NRXN1: variants seen among roughly 807,000 people sequenced by gnomAD.
The protein encoded by NRXN1 is neurexin-1.
Under a neutral mutation model 150.9 loss-of-function variants are expected in NRXN1, and 39 were observed. That is an observed-to-expected ratio of 0.26 (90% CI 0.20 to 0.34). The LOEUF is 0.34. Among genes scored for constraint, NRXN1 ranks in the 10% least tolerant of loss-of-function variants. The pLI is 1.00. For missense variants in NRXN1, 1,815 were observed against 1,949.9 expected (o/e 0.93, Z 1.30); for synonymous variants, 924 against 757.0 (o/e 1.22, Z -3.62).
chr2:50,343,462 T>TAA (rs1439195240), intron 17 of NRXN1, among the ~76,000 whole-genome samples: 7 of 147,932 alleles, frequency 4.7e-5, no homozygotes, highest in African/African-American at 1.6e-4. Flanking sequence ...TCTATTTAAC[T>TAA]AGAAAAAAAA....
intron 21 of NRXN1, among the ~76,000 whole-genome samples, chr2:50,042,841 G>C (rs543349801): frequency 6.6e-6 from 1 of 152,094 alleles, no homozygotes; most frequent in Admixed American, 6.6e-5. Flanking sequence ...ACAGGAAACA[G>C]GTTCTGCTTG....
At chr2:50,704,077 G>A (rs1694115286) in intron 5 of NRXN1, among the ~76,000 whole-genome samples, 1 of 152,016 alleles carries the variant, frequency 6.6e-6, no homozygotes, top group Non-Finnish European at 1.5e-5. Flanking sequence ...TTATATATAA[G>A]TAGGAAATTT....
chr2:50,782,456 G>A (rs1273337201), intron 5 of NRXN1, among the ~76,000 whole-genome samples: 2 of 151,310 alleles, frequency 1.3e-5, no homozygotes, highest in Non-Finnish European at 3.0e-5. Flanking sequence ...GTGACACAAC[G>A]AGACTCTGTC....
chr2:50,686,933 C>T (rs1220048550), intron 5 of NRXN1, among the ~76,000 whole-genome samples: 2 of 152,158 alleles, frequency 1.3e-5, no homozygotes, highest in African/African-American at 4.8e-5. Context: ...CTTCAATTCT[C>T]TAAAGTTTAT....
chr2:50,959,587 T>C (rs999356599), intron 2 of NRXN1, among the ~76,000 whole-genome samples: 8 of 152,018 alleles, frequency 5.3e-5, no homozygotes, highest in Admixed American at 3.3e-4. Flanking sequence ...TGCCAGGAAC[T>C]GGGGACAGTG....
intron 18 of NRXN1, among the ~76,000 whole-genome samples, chr2:50,098,896 T>C (rs1700644540): frequency 8.5e-6 from 1 of 117,402 alleles, no homozygotes; most frequent in South Asian, 2.9e-4. Flanking sequence ...TAGTTACATT[T>C]TGTAGCACTA....
In NRXN1 at chr2:50,487,022, C is replaced by T. The variant is rs762536624; in HGVS notation, c.3070+8883G>A. On this transcript the variant is annotated intron_variant, in intron 15 of 22. Coordinates refer to ENST00000401669, the MANE Select transcript of NRXN1 (RefSeq NM_001330078.2). ...TTACAATAATTTCTATTTAGTATTA[C>T]TATCATTATTGTTCTGGTGAGATGC... Among the ~76,000 whole-genome samples, 19 of 152,266 alleles carry T rather than the reference C, an allele frequency of 1.2e-4. No individual in the cohort carries two copies. The South Asian group carries it at 1.5e-3, about 12-fold the overall frequency.
intron 5 of NRXN1, among the ~76,000 whole-genome samples, chr2:50,705,188 T>G (rs1363062231): frequency 6.6e-6 from 1 of 151,978 alleles, no homozygotes; most frequent in Non-Finnish European, 1.5e-5. Context: ...TGTCTCAGTA[T>G]AAGAGGAAAC....
intron 17 of NRXN1, among the ~76,000 whole-genome samples, chr2:50,320,282 T>TCTTATATATATACA (rs200051532): frequency 2.2e-3 from 105 of 47,524 alleles, no homozygotes; most frequent in African/African-American, 8.0e-3. Flanking sequence ...TATACCTCAA[T>TCTTATATATATACA]CATATATATA....
intron 17 of NRXN1, among the ~76,000 whole-genome samples, chr2:50,382,089 G>A (rs188003042): frequency 3.3e-5 from 5 of 151,164 alleles, no homozygotes; most frequent in Non-Finnish European, 5.9e-5. Flanking sequence ...AGAACTAGGA[G>A]AACTAGTTTA....
Position 50,785,243 on chromosome 2 carries a change from C to CTTT in NRXN1, c.832+136623_832+136625dup, listed in dbSNP as rs35158893. Among the ~76,000 whole-genome samples, 552 of 106,092 alleles carry CTTT rather than the reference C, an allele frequency of 5.2e-3. 5 individuals carry two copies. The highest frequency in any genetic ancestry group is 8.2e-3 in the Non-Finnish European group (426 of 52,048). The allele number at this position is 106,092 out of a possible 152,430, so 69.6% of individuals were successfully genotyped here. A position where few individuals can be genotyped will look rare whatever the true frequency, so the allele number is the denominator to read the frequency against. On this transcript the variant is annotated intron_variant, in intron 5 of 22. Coordinates refer to ENST00000401669, the MANE Select transcript of NRXN1 (RefSeq NM_001330078.2). Reference sequence around the variant, plus strand: ...CCCTCTAGAACTCTGAGAAAATACACTTTTTTTTTTTTTTTTTTTTTTTGA... The same window carrying CTTT: ...CCCTCTAGAACTCTGAGAAAATACACTTTTTTTTTTTTTTTTTTTTTTTTTTGA...
intron 17 of NRXN1, among the ~76,000 whole-genome samples, chr2:50,330,576 C>G (rs1241083657): frequency 6.6e-6 from 1 of 152,074 alleles, no homozygotes; most frequent in East Asian, 1.9e-4. Flanking sequence ...AAAAAAATCC[C>G]CACAGTAGTA....
intron 8 of NRXN1, among the ~76,000 whole-genome samples, chr2:50,590,000 A>AT (rs1361109582): frequency 6.6e-6 from 1 of 152,244 alleles, no homozygotes; most frequent in Non-Finnish European, 1.5e-5. Flanking sequence ...GAATGAATGT[A>AT]TACACAAATG....
intron 21 of NRXN1, among the ~76,000 whole-genome samples, chr2:49,957,018 T>C (rs1014862492): frequency 6.6e-6 from 1 of 152,164 alleles, no homozygotes; most frequent in Admixed American, 6.6e-5. Context: ...TTGAGATAGA[T>C]GCTAAGTGAC....
intron 21 of NRXN1, among the ~76,000 whole-genome samples, chr2:49,990,957 C>A (rs1459439592): frequency 6.6e-6 from 1 of 152,060 alleles, no homozygotes. Context: ...CAGAACAACA[C>A]AATCAAGGTA....
At chr2:50,926,221 G>C (rs187018233) in intron 2 of NRXN1, among the ~76,000 whole-genome samples, 4 of 151,938 alleles carry the variant, frequency 2.6e-5, no homozygotes, top group African/African-American at 4.8e-5. Flanking sequence ...CAACTACCCA[G>C]TATAAAGCAA....
chr2:50,209,301 A>T (rs2062838382), intron 18 of NRXN1, among the ~76,000 whole-genome samples: 1 of 152,122 alleles, frequency 6.6e-6, no homozygotes, highest in Non-Finnish European at 1.5e-5. Context: ...TATATGGCCA[A>T]ATGCCAGAGA....
intron 17 of NRXN1, among the ~76,000 whole-genome samples, chr2:50,402,736 A>G (rs922353245): frequency 6.6e-6 from 1 of 152,120 alleles, no homozygotes; most frequent in Non-Finnish European, 1.5e-5. Context: ...TTATGCGTGA[A>G]GAATCCCAGA....
At position 50,686,973 on chromosome 2, in the gene NRXN1, C is replaced by T. The variant is rs550184833; in HGVS notation, c.833-63358G>A. ...GGAGGAAGATGCAAAACTCTTTATA[C>T]TTCCATAATTAGGTATTCCTTTGCT... On this transcript the variant is annotated intron_variant, in intron 5 of 22. Transcript: ENST00000401669. Among the ~76,000 whole-genome samples the T allele has an allele frequency of 4.5e-4, 68 of 152,320 alleles. 1 individual carries two copies. Among genetic ancestry groups the T allele is most frequent in the African/African-American group, 1.6e-3 (68 of 41,572 alleles).
Sources: gnomAD v4.1 joint callset for allele counts (sites outside exome capture counted in the v4.1 genomes callset) on GRCh38, gnomAD v4.1.1 for gene constraint, MANE v1.5 for transcripts, NCBI Gene and HGNC (gene_info 2026-07-23, HGNC 2026-07-21) for gene names.